Variants in SPATA16 observed in about 807,000 individuals in gnomAD.
SPATA16 encodes spermatogenesis associated 16.
Under a neutral mutation model 63.3 loss-of-function variants are expected in SPATA16, and 36 were observed. That is an observed-to-expected ratio of 0.57 (90% CI 0.44 to 0.75). The LOEUF is 0.75. Among genes scored for constraint, SPATA16 ranks in the 30% least tolerant of loss-of-function variants. The pLI, the probability that SPATA16 is intolerant of heterozygous loss-of-function variation, is 0.00. For synonymous variants in SPATA16, 203 were observed against 216.7 expected (o/e 0.94, Z 0.56); for missense variants, 646 against 679.3 (o/e 0.95, Z 0.54).
intron 2 of SPATA16, among the ~76,000 whole-genome samples, chr3:173,077,782 C>T (rs964228077): frequency 6.6e-6 from 1 of 152,126 alleles, no homozygotes; most frequent in Non-Finnish European, 1.5e-5. Flanking sequence ...TTCACCCAGA[C>T]ATATAGGAGG....
chr3:173,134,999 C>T (rs74912251), intron 1 of SPATA16, among the ~76,000 whole-genome samples: 16,450 of 152,130 alleles, frequency 0.11, 1,137 homozygotes, highest in East Asian at 0.31. Context: ...TTTTGTTCAT[C>T]AAAACACATC....
At chr3:172,992,047 A>T (rs1734590048) in intron 4 of SPATA16, among the ~76,000 whole-genome samples, 1 of 152,034 alleles carries the variant, frequency 6.6e-6, no homozygotes, top group South Asian at 2.1e-4. Flanking sequence ...GAAGTTTTGC[A>T]CCCTTGAACT....
intron 3 of SPATA16, among the ~76,000 whole-genome samples, chr3:173,031,227 A>G (rs1735598743): frequency 6.6e-6 from 1 of 152,022 alleles, no homozygotes; most frequent in Admixed American, 6.6e-5. Flanking sequence ...ATTTTATGTT[A>G]TGTATATTTT....
intron 3 of SPATA16, among the ~76,000 whole-genome samples, chr3:173,043,358 C>T (rs1373649289): frequency 2.6e-5 from 4 of 151,812 alleles, no homozygotes; most frequent in Non-Finnish European, 5.9e-5. Context: ...TTATCATAGT[C>T]TATTTACAGT....
At chr3:172,899,146 T>G (rs909490602) in intron 10 of SPATA16, among the ~76,000 whole-genome samples, 3 of 152,060 alleles carry the variant, frequency 2.0e-5, no homozygotes, top group Non-Finnish European at 4.4e-5. Context: ...TAGATTCTGA[T>G]GCTTGATAGT....
chr3:173,014,518 A>G (rs1406824181), intron 4 of SPATA16, among the ~76,000 whole-genome samples: 2 of 152,378 alleles, frequency 1.3e-5, no homozygotes, highest in East Asian at 3.9e-4. Context: ...GGCCATTTGC[A>G]TCCCAAACCT....
chr3:173,132,390 G>C lies in SPATA16; in HGVS notation c.-19+8713C>G, dbSNP rs574713825. ...CCCTAGAAGGAACACAGAGAATGAA[G>C]CAAAAGCAAAAGAGAATTCCAGGAG... On this transcript the variant is annotated intron_variant, in intron 1 of 10. Transcript: ENST00000351008. Among the ~76,000 whole-genome samples the C allele has an allele frequency of 2.6e-5, 4 of 152,224 alleles. No individual in the cohort carries two copies. The East Asian group carries it at 5.8e-4, about 22-fold the overall frequency.
At chr3:173,091,852 G>A (rs1737230942) in intron 2 of SPATA16, among the ~76,000 whole-genome samples, 1 of 151,948 alleles carries the variant, frequency 6.6e-6, no homozygotes, top group Admixed American at 6.6e-5. Flanking sequence ...ATTTTCCATG[G>A]GTCTTTATAG....
At chr3:173,128,476 C>G (rs963527199) in intron 1 of SPATA16, among the ~76,000 whole-genome samples, 2 of 152,154 alleles carry the variant, frequency 1.3e-5, no homozygotes, top group Non-Finnish European at 2.9e-5. Context: ...TCCCCTGAAG[C>G]CTTCTAGGTT....
At chr3:172,918,272 G>A (rs1195963529) in intron 8 of SPATA16, among the ~76,000 whole-genome samples, 2 of 152,164 alleles carry the variant, frequency 1.3e-5, no homozygotes, top group African/African-American at 4.8e-5. Context: ...TAGGAAAGTG[G>A]TGTAGTGACT....
At chr3:172,960,091 A>T (rs1368651771) in intron 5 of SPATA16, among the ~76,000 whole-genome samples, 1 of 152,076 alleles carries the variant, frequency 6.6e-6, no homozygotes, top group Admixed American at 6.5e-5. Context: ...TAAAATATAA[A>T]AGATAGATTT....
intron 2 of SPATA16, among the ~76,000 whole-genome samples, chr3:173,090,223 G>C (rs1218151309): frequency 3.3e-5 from 5 of 152,042 alleles, no homozygotes; most frequent in Non-Finnish European, 5.9e-5. Context: ...TGAGTGGCTT[G>C]TCATGAGACT....
chr3:173,131,991 C>T (rs921255775), intron 1 of SPATA16, among the ~76,000 whole-genome samples: 2 of 151,224 alleles, frequency 1.3e-5, no homozygotes, highest in Non-Finnish European at 3.0e-5. Context: ...AAAAAGTAAA[C>T]ACTAGAAACC....
At chr3:172,957,151 A>G (rs1422494500) in intron 5 of SPATA16, among the ~76,000 whole-genome samples, 1 of 152,180 alleles carries the variant, frequency 6.6e-6, no homozygotes, top group Non-Finnish European at 1.5e-5. Context: ...GTCTGACATT[A>G]TAATTAACTT....
chr3:173,115,602 G>A (rs1350083949), intron 2 of SPATA16, among the ~76,000 whole-genome samples: 1 of 151,096 alleles, frequency 6.6e-6, no homozygotes, highest in East Asian at 2.0e-4. Flanking sequence ...TTGTGTAGAT[G>A]ACCCTTTATG....
At chr3:172,952,938 C>CAAAAA (rs60404306) in intron 6 of SPATA16, among the ~76,000 whole-genome samples, 14 of 77,970 alleles carry the variant, frequency 1.8e-4, no homozygotes, top group South Asian at 4.6e-4. Flanking sequence ...GACTCCATCT[C>CAAAAA]AAAAAAAAAA....
intron 2 of SPATA16, among the ~76,000 whole-genome samples, chr3:173,078,625 A>T (rs1199707741): frequency 6.6e-6 from 1 of 152,190 alleles, no homozygotes; most frequent in African/African-American, 2.4e-5. Flanking sequence ...GGTGACCAGA[A>T]AGGAGAAATG....
At chr3:172,919,810 T>A (rs1335193728) in intron 8 of SPATA16, among the ~76,000 whole-genome samples, 1 of 151,936 alleles carries the variant, frequency 6.6e-6, no homozygotes, top group Non-Finnish European at 1.5e-5. Flanking sequence ...CCTGAATAGC[T>A]GGGACTACAG....
chr3:172,977,426 A>G (rs1342545147), intron 4 of SPATA16, among the ~76,000 whole-genome samples: 1 of 152,188 alleles, frequency 6.6e-6, no homozygotes, highest in African/African-American at 2.4e-5. Flanking sequence ...CAAACCTAGC[A>G]TAGCGTATAT....
Sources: allele counts gnomAD v4.1 joint callset (sites outside exome capture counted in the v4.1 genomes callset), GRCh38; gene constraint gnomAD v4.1.1; transcripts MANE v1.5; gene names NCBI Gene and HGNC (gene_info 2026-07-23, HGNC 2026-07-21).